OTOGL: variants seen among roughly 807,000 people sequenced by gnomAD.
The protein encoded by OTOGL is otogelin like.
Under a neutral mutation model 318.5 loss-of-function variants are expected in OTOGL, and 285 were observed. That is an observed-to-expected ratio of 0.89 (90% CI 0.81 to 0.99). The LOEUF (loss-of-function observed/expected upper bound fraction) is 0.99. Among genes scored for constraint, OTOGL ranks in the 50% least tolerant of loss-of-function variants. OTOGL has a pLI of 0.00. For missense variants in OTOGL, 2,899 were observed against 2,845.6 expected, an observed-to-expected ratio of 1.02 and a Z score of -0.43; for synonymous variants, 987 against 936.5, an observed-to-expected ratio of 1.05 and a Z score of -0.99.
intron 1 of OTOGL, among the ~76,000 whole-genome samples, chr12:80,156,440 T>G (rs1286714678): frequency 6.6e-6 from 1 of 152,158 alleles, no homozygotes; most frequent in Non-Finnish European, 1.5e-5. Flanking sequence ...ATTAGTTCTG[T>G]CCCTCTAGAG....
chr12:80,258,171 A>G (rs931157470), intron 18 of OTOGL, among the ~76,000 whole-genome samples, 169 bp downstream of exon 18: 1 of 152,118 alleles, frequency 6.6e-6, no homozygotes. Flanking sequence ...AAATATGTTT[A>G]TTTTGTAGAT....
At chr12:80,315,633 A>C (rs1433196874) in intron 32 of OTOGL, among the ~76,000 whole-genome samples, 2 of 152,202 alleles carry the variant, frequency 1.3e-5, no homozygotes, top group Non-Finnish European at 1.5e-5. Context: ...ATCTTGGCCA[A>C]GCAACCAATC....
At chr12:80,318,126 A>G (rs73152141) in intron 32 of OTOGL, among the ~76,000 whole-genome samples, 7,843 of 152,136 alleles carry the variant, frequency 0.052, 285 homozygotes, top group Admixed American at 0.1. Context: ...CTCCAATCCA[A>G]TTATCCTTTC....
chr12:80,146,684 G>C (rs955672677), intron 1 of OTOGL, among the ~76,000 whole-genome samples: 1 of 151,850 alleles, frequency 6.6e-6, no homozygotes, highest in African/African-American at 2.4e-5. Context: ...AATCCATCTG[G>C]TCCTGGACTC....
At chr12:80,254,639 G>C in intron 15 of OTOGL, 69 bp downstream of exon 15, 2 of 1,254,524 alleles carry the variant, frequency 1.6e-6, no homozygotes, top group Non-Finnish European at 2.3e-6. Flanking sequence ...AGATAGCACT[G>C]ATCTTTATGA....
Position 80,249,818 on chromosome 12 carries a change from C to T in OTOGL, c.1053-1875C>T, listed in dbSNP as rs191449847. ...ACTGCTGTACTAGCAATCAGTGAGA[C>T]TCCGTGGGCGTAGGACCCTCCGAGG... On this transcript the variant is annotated intron_variant, in intron 11 of 58. Coordinates refer to ENST00000547103, the MANE Select transcript of OTOGL (RefSeq NM_001378609.3). Among the ~76,000 whole-genome samples the T allele has an allele frequency of 6.5e-3, 995 of 152,188 alleles. 11 individuals carry two copies. The highest frequency in any genetic ancestry group is 0.027 in the East Asian group (141 of 5,138).
chr12:80,302,828 C>G, intron 28 of OTOGL, 45 bp downstream of exon 28: 1 of 1,371,350 alleles, frequency 7.3e-7, no homozygotes, highest in Non-Finnish European at 9.5e-7. Flanking sequence ...AATAAAATCA[C>G]ATTTAGTTTT....
In OTOGL at chr12:80,358,881, T is replaced by C. The variant is rs550464057; in HGVS notation, c.6248T>C (p.Ile2083Thr). The C allele has an allele frequency of 2.0e-6, 3 of 1,499,446 alleles. No homozygotes were observed. The East Asian group carries it at 7.4e-5, about 37-fold the overall frequency. 92.9% of individuals were successfully genotyped at this position (1,499,446 alleles called of 1,614,324 possible). A position where few individuals can be genotyped will look rare whatever the true frequency, so the allele number is the denominator to read the frequency against. The change falls in exon 52 of 59, where the codon ATT becomes ACT. Residue 2083 changes from isoleucine (I) to threonine (T), a missense_variant. By Grantham distance (89) the Ile-to-Thr change is moderately conservative. Around this residue, in one of 3 missense-constraint regions of OTOGL, gnomAD observed 2,607 missense variants for 2,524.9 expected, o/e 1.03. Coordinates refer to ENST00000547103, the MANE Select transcript of OTOGL (RefSeq NM_001378609.3). Reference sequence around the variant, plus strand: ...TTAGAATGTAACTGTGAAAACCTTATTATGCCAACTTGTGAAGTGGTAAGA... The same window carrying C: ...TTAGAATGTAACTGTGAAAACCTTACTATGCCAACTTGTGAAGTGGTAAGA... Reference protein sequence around the residue: ...WHCECNCENLIMPTCEVGEFT... With the variant: ...WHCECNCENLTMPTCEVGEFT...
chr12:80,125,990 G>T (rs1173604181), intron 1 of OTOGL, among the ~76,000 whole-genome samples: 1 of 151,978 alleles, frequency 6.6e-6, no homozygotes, highest in Admixed American at 6.6e-5. Context: ...CAAAAAACAA[G>T]CTCCTGGAAT....
intron 1 of OTOGL, among the ~76,000 whole-genome samples, chr12:80,160,364 A>G (rs2137191236): frequency 6.6e-6 from 1 of 152,322 alleles, no homozygotes; most frequent in South Asian, 2.1e-4. Context: ...TAATATCCAG[A>G]ATCTGCAAGG....
chr12:80,166,194 C>CCTCTCT (rs3045762), intron 1 of OTOGL, among the ~76,000 whole-genome samples: 2,429 of 147,580 alleles, frequency 0.016, 58 homozygotes, highest in African/African-American at 0.054. Flanking sequence ...CTCCCTTCTT[C>CCTCTCT]CTCTCTCTCT....
intron 55 of OTOGL, among the ~76,000 whole-genome samples, chr12:80,368,814 C>T (rs1890708053): frequency 2.4e-5 from 1 of 41,050 alleles, no homozygotes; most frequent in African/African-American, 9.6e-5. Context: ...AGTTTGACAA[C>T]TACTATTTTT....
intron 1 of OTOGL, chr12:80,102,791 C>T (rs1379937155): frequency 1.6e-6 from 1 of 618,102 alleles, no homozygotes; most frequent in African/African-American, 1.8e-5. Context: ...GGACTAGTTT[C>T]CCAGAGTTGT....
chr12:80,340,075 A>C (rs999991325), intron 43 of OTOGL, among the ~76,000 whole-genome samples: 2 of 152,316 alleles, frequency 1.3e-5, no homozygotes, highest in East Asian at 3.9e-4. Flanking sequence ...AACACAACAC[A>C]TAAATACACA....
chr12:80,204,404 C>T (rs558967994), intron 1 of OTOGL, among the ~76,000 whole-genome samples: 9 of 152,222 alleles, frequency 5.9e-5, no homozygotes, highest in South Asian at 4.1e-4. Flanking sequence ...CATCCAATCA[C>T]GACATTTTGG....
intron 35 of OTOGL, among the ~76,000 whole-genome samples, chr12:80,327,662 A>G (rs1592712227): frequency 6.6e-6 from 1 of 151,616 alleles, no homozygotes; most frequent in African/African-American, 2.4e-5. Flanking sequence ...TGAGGGGAGT[A>G]TAAGAGTGGA....
chr12:80,138,741 G>A (rs1373007796), intron 1 of OTOGL, among the ~76,000 whole-genome samples: 1 of 152,166 alleles, frequency 6.6e-6, no homozygotes, highest in African/African-American at 2.4e-5. Context: ...ATAACAGACT[G>A]TAGCTGAATA....
intron 11 of OTOGL, among the ~76,000 whole-genome samples, chr12:80,241,309 T>G (rs1468044416): frequency 2.0e-5 from 3 of 152,164 alleles, no homozygotes; most frequent in African/African-American, 7.2e-5. Flanking sequence ...GTCTCTAAAT[T>G]GCAAGGATTC....
intron 1 of OTOGL, chr12:80,133,363 G>A (rs1871352001): frequency 6.6e-6 from 1 of 152,132 alleles, no homozygotes; most frequent in Non-Finnish European, 1.5e-5. Context: ...ATATATTAGA[G>A]ATGCTTATAT....
Sources: gnomAD v4.1 joint callset for allele counts (sites outside exome capture counted in the v4.1 genomes callset) on GRCh38, gnomAD v4.1.1 for gene constraint, gnomAD v4.1.1 regional missense constraint, MANE v1.5 for transcripts, NCBI Gene and HGNC (gene_info 2026-07-23, HGNC 2026-07-21) for gene names.